The following KCNIP4 variants were observed in gnomAD, a reference collection of about 807,000 sequenced individuals.
KCNIP4 encodes potassium voltage-gated channel interacting protein 4.
Under a neutral mutation model 34.0 loss-of-function variants are expected in KCNIP4, and 12 were observed. The observed-to-expected ratio is 0.35, with a 90% CI of 0.23 to 0.57. The LOEUF (loss-of-function observed/expected upper bound fraction) is 0.57, where lower values mean the gene tolerates loss of function less well. KCNIP4 is among the 20% of genes least tolerant of loss of function. The probability of loss-of-function intolerance (pLI) is 0.83; values close to 1 mark genes in which losing one functional copy is unlikely to be tolerated. For missense variants in KCNIP4, 238 were observed against 311.7 expected, an observed-to-expected ratio of 0.76 and a Z score of 1.78; for synonymous variants, 124 against 102.2, an observed-to-expected ratio of 1.21 and a Z score of -1.29.
intron 3 of KCNIP4, among the ~76,000 whole-genome samples, chr4:20,775,304 TA>T (rs1756279934): frequency 6.6e-6 from 1 of 152,184 alleles, no homozygotes; most frequent in Non-Finnish European, 1.5e-5. Context: ...GCACACAGAA[TA>T]AACTCACATT....
chr4:20,849,138 T>G (rs7672814), intron 3 of KCNIP4, among the ~76,000 whole-genome samples: 90,310 of 151,982 alleles, frequency 0.59, 27,102 homozygotes, highest in South Asian at 0.79. Context: ...TGTCTTGATA[T>G]ATTACCTATC....
At chr4:21,519,455 CACATATGTGTGTATGTGTATGTGTATAT>C (rs1735133118) in intron 1 of KCNIP4, among the ~76,000 whole-genome samples, 1 of 64,154 alleles carries the variant, frequency 1.6e-5, no homozygotes, top group Non-Finnish European at 3.3e-5. Context: ...TGTGTATATA[CACATATGTGTGTATGTGTATGTGTATAT>C]ACACATATGT....
At chr4:20,947,985 G>A (rs1312334209) in intron 1 of KCNIP4, among the ~76,000 whole-genome samples, 2 of 152,186 alleles carry the variant, frequency 1.3e-5, no homozygotes, top group Non-Finnish European at 2.9e-5. Flanking sequence ...TGTGGAAAAT[G>A]AGATGGTAAA....
At chr4:21,904,092 G>C (rs1327044942) in intron 1 of KCNIP4, among the ~76,000 whole-genome samples, 2 of 152,058 alleles carry the variant, frequency 1.3e-5, no homozygotes, top group African/African-American at 2.4e-5. Flanking sequence ...AAAGGGCCAT[G>C]GGTAGTCCAA....
Position 21,872,502 on chromosome 4 carries a change from G to A in KCNIP4, c.61+76069C>T, listed in dbSNP as rs115449953. ...ATAGACTCTTGTTTCATTCCAGGTCGAAGTACAGAATCGTGACCCAAAGGC... is the reference window on the plus strand; with the variant it reads ...ATAGACTCTTGTTTCATTCCAGGTCAAAGTACAGAATCGTGACCCAAAGGC... On this transcript the variant is annotated intron_variant, in intron 1 of 8. Transcript: ENST00000382152. 2.2e-3 allele frequency among the ~76,000 whole-genome samples: 341 copies of A among 152,242 alleles called. 1 individual carries two copies. Among genetic ancestry groups the A allele is most frequent in the African/African-American group, 7.8e-3 (326 of 41,536 alleles).
chr4:21,618,636 T>TTTTTC (rs1560567558), intron 1 of KCNIP4, among the ~76,000 whole-genome samples: 17 of 98,288 alleles, frequency 1.7e-4, no homozygotes, highest in African/African-American at 4.2e-4. Context: ...TTTTCTTTTT[T>TTTTTC]TTTTTTTTTT....
At chr4:21,905,302 G>T (rs943951930) in intron 1 of KCNIP4, among the ~76,000 whole-genome samples, 1 of 152,154 alleles carries the variant, frequency 6.6e-6, no homozygotes, top group African/African-American at 2.4e-5. Context: ...TGCTCAGGAA[G>T]CAGGCTGAGC....
intron 1 of KCNIP4, among the ~76,000 whole-genome samples, chr4:20,964,751 TC>T (rs1440842691): frequency 6.6e-6 from 1 of 152,188 alleles, no homozygotes; most frequent in African/African-American, 2.4e-5. Context: ...ATTTAAAATA[TC>T]CAATTTTCTT....
intron 1 of KCNIP4, among the ~76,000 whole-genome samples, chr4:21,658,655 C>T (rs1222026703): frequency 6.6e-6 from 1 of 152,140 alleles, no homozygotes; most frequent in Non-Finnish European, 1.5e-5. Flanking sequence ...GCCACCTCAG[C>T]CCCCCAAAGT....
chr4:20,850,025 G>T (rs140025359), intron 3 of KCNIP4, among the ~76,000 whole-genome samples: 1 of 152,276 alleles, frequency 6.6e-6, no homozygotes, highest in East Asian at 1.9e-4. Flanking sequence ...CACCCAGGAG[G>T]GAGGGTCATC....
chr4:20,914,324 G>T (rs189096887), intron 1 of KCNIP4, among the ~76,000 whole-genome samples: 1 of 152,198 alleles, frequency 6.6e-6, no homozygotes, highest in Non-Finnish European at 1.5e-5. Flanking sequence ...GTATTAGGAG[G>T]TAGGGACTTT....
chr4:21,575,944 T>C (rs1161943055), intron 1 of KCNIP4, among the ~76,000 whole-genome samples: 1 of 152,202 alleles, frequency 6.6e-6, no homozygotes, highest in Non-Finnish European at 1.5e-5. Context: ...AGTCATCAGA[T>C]GGAAGGAGCT....
At chr4:21,615,714 T>C (rs1744548907) in intron 1 of KCNIP4, among the ~76,000 whole-genome samples, 1 of 152,230 alleles carries the variant, frequency 6.6e-6, no homozygotes, top group East Asian at 1.9e-4. Context: ...TTCCATATTT[T>C]AGATGACTGC....
intron 1 of KCNIP4, among the ~76,000 whole-genome samples, chr4:21,084,612 C>G (rs1397848668): frequency 1.3e-5 from 2 of 149,306 alleles, no homozygotes; most frequent in Admixed American, 6.8e-5. Context: ...TTCTTACTAG[C>G]TGGTACCTTG....
Position 21,871,920 on chromosome 4 carries a change from C to A in KCNIP4, c.61+76651G>T, listed in dbSNP as rs1725844889. On this transcript the variant is annotated intron_variant, in intron 1 of 8. Transcript: ENST00000382152. ...GGTTGAGCCCAGTCTTTCTCCCCTG[C>A]TGCAAAACCACACTGCAGTTTTCCC... Among the ~76,000 whole-genome samples the A allele has an allele frequency of 3.3e-5, 5 of 151,986 alleles. No individual in the cohort carries two copies. In the South Asian group the frequency reaches 1.0e-3, roughly 32 times the overall value.
intron 2 of KCNIP4, among the ~76,000 whole-genome samples, chr4:20,872,351 A>G (rs1435318890): frequency 1.3e-5 from 2 of 152,112 alleles, no homozygotes; most frequent in African/African-American, 4.8e-5. Flanking sequence ...AAACCTTACA[A>G]ATAAAGATGG....
Position 20,996,848 on chromosome 4 carries a change from G to A in KCNIP4, c.62-114139C>T, listed in dbSNP as rs1053109453. On this transcript the variant is annotated intron_variant, in intron 1 of 8. Transcript: ENST00000382152. The stretch of plus-strand genomic sequence containing the variant: ...GCTCCTCACATGTGGGCCCTTTACC[G>A]ACCTCATTCATCTCACTGTCTCCAG... 2.8e-5 allele frequency among the ~76,000 whole-genome samples: 4 copies of A among 144,094 alleles called. No homozygotes were observed. The South Asian group carries it at 8.9e-4, about 32-fold the overall frequency. 94.5% of individuals were successfully genotyped at this position (144,094 alleles called of 152,430 possible).
intron 1 of KCNIP4, among the ~76,000 whole-genome samples, chr4:21,040,653 T>C (rs1236477375): frequency 6.6e-6 from 1 of 152,088 alleles, no homozygotes; most frequent in Non-Finnish European, 1.5e-5. Context: ...TTAGGCAAAG[T>C]ATATATAAAA....
At chr4:20,755,536 A>G (rs552394341) in intron 4 of KCNIP4, among the ~76,000 whole-genome samples, 1 of 152,336 alleles carries the variant, frequency 6.6e-6, no homozygotes, top group East Asian at 1.9e-4. Flanking sequence ...AACAGTAAAC[A>G]AAGTGGAGAA....
Sources: allele counts gnomAD v4.1 joint callset (sites outside exome capture counted in the v4.1 genomes callset), GRCh38; gene constraint gnomAD v4.1.1; transcripts MANE v1.5; gene names NCBI Gene and HGNC (gene_info 2026-07-23, HGNC 2026-07-21).